Variants in ZNF804A observed in about 807,000 individuals in gnomAD.
ZNF804A encodes zinc finger protein 804A.
ZNF804A carries 2 observed loss-of-function variants against 16.5 expected under a neutral mutation model. That is an observed-to-expected ratio of 0.12 (90% confidence interval 0.05 to 0.38). ZNF804A has a LOEUF of 0.38. ZNF804A is among the 10% of genes least tolerant of loss of function. The probability of loss-of-function intolerance (pLI) is 0.99; values close to 1 mark genes in which losing one functional copy is unlikely to be tolerated. For missense variants in ZNF804A, 1,473 were observed against 1,390.7 expected, an observed-to-expected ratio of 1.06 and a Z score of -0.94; for synonymous variants, 534 against 489.6, an observed-to-expected ratio of 1.09 and a Z score of -1.20.
intron 2 of ZNF804A, among the ~76,000 whole-genome samples, chr2:184,881,311 CA>C (rs1227186209): frequency 2.6e-5 from 4 of 151,534 alleles, no homozygotes; most frequent in African/African-American, 9.7e-5. Context: ...CCCTGAAAGA[CA>C]GGTAGAGAAA....
intron 1 of ZNF804A, among the ~76,000 whole-genome samples, chr2:184,865,537 A>C (rs1695867074): frequency 6.6e-6 from 1 of 152,096 alleles, no homozygotes; most frequent in Non-Finnish European, 1.5e-5. Context: ...TGTGACACTT[A>C]CTTCATTGAC....
At chr2:184,738,048 C>T (rs1216980086) in intron 1 of ZNF804A, among the ~76,000 whole-genome samples, 1 of 151,000 alleles carries the variant, frequency 6.6e-6, no homozygotes, top group Non-Finnish European at 1.5e-5. Context: ...ATCACTTGAA[C>T]CTGGGAGGCG....
chr2:184,613,683 T>C (rs1691274931), intron 1 of ZNF804A, among the ~76,000 whole-genome samples: 1 of 151,992 alleles, frequency 6.6e-6, no homozygotes, highest in Admixed American at 6.6e-5. Context: ...TAAGAAGAAT[T>C]GGTGCTACAA....
intron 2 of ZNF804A, among the ~76,000 whole-genome samples, chr2:184,923,651 T>A (rs1022918154): frequency 4.6e-5 from 7 of 152,020 alleles, no homozygotes; most frequent in African/African-American, 9.7e-5. Flanking sequence ...AGGTTTTCAG[T>A]TTTTTCCTCA....
Position 184,937,633 on chromosome 2 carries a change from A to G in ZNF804A, c.2237A>G (p.Lys746Arg). Residue 746 changes from lysine to arginine, a missense_variant, in exon 4 of 4, where the codon AAA (lysine) becomes AGA (arginine). Transcript: ENST00000302277. ...HRSLVLQNDM[K>R]HMSQNQAVKR... ...AGCTTAGTTCTTCAAAATGATATGA[A>G]ACACATGAGTCAGAATCAGGCTGTT... 1 of 1,613,932 alleles carries G rather than the reference A, an allele frequency of 6.2e-7. No homozygotes were observed.
At chr2:184,832,121 G>T (rs1340601428) in intron 1 of ZNF804A, among the ~76,000 whole-genome samples, 1 of 151,890 alleles carries the variant, frequency 6.6e-6, no homozygotes, top group East Asian at 1.9e-4. Context: ...TATGCAATTT[G>T]TCCATCTCTT....
chr2:184,832,584 T>C (rs1439988632), intron 1 of ZNF804A, among the ~76,000 whole-genome samples: 3 of 151,946 alleles, frequency 2.0e-5, no homozygotes, highest in Non-Finnish European at 2.9e-5. Context: ...TTAATCATAC[T>C]CCCAGTTTAT....
chr2:184,898,915 T>A (rs1362991446), intron 2 of ZNF804A, among the ~76,000 whole-genome samples: 1 of 152,006 alleles, frequency 6.6e-6, no homozygotes, highest in Admixed American at 6.6e-5. Flanking sequence ...ATTGTGTAAC[T>A]ATTTTATGAT....
At chr2:184,698,007 T>C (rs1022183952) in intron 1 of ZNF804A, among the ~76,000 whole-genome samples, 12 of 152,030 alleles carry the variant, frequency 7.9e-5, no homozygotes. Flanking sequence ...AGACTTTTAT[T>C]TGGAAAATTG....
At chr2:184,639,943 A>G (rs1352857761) in intron 1 of ZNF804A, among the ~76,000 whole-genome samples, 2 of 152,208 alleles carry the variant, frequency 1.3e-5, no homozygotes, top group African/African-American at 4.8e-5. Flanking sequence ...CAGAGCTTGC[A>G]GTGAGCCGAG....
chr2:184,914,162 A>G (rs1685410428), intron 2 of ZNF804A, among the ~76,000 whole-genome samples: 1 of 152,152 alleles, frequency 6.6e-6, no homozygotes, highest in Non-Finnish European at 1.5e-5. Flanking sequence ...CCTGCCACAC[A>G]TGCATTTTTG....
intron 2 of ZNF804A, among the ~76,000 whole-genome samples, chr2:184,889,499 C>T (rs1378926550): frequency 6.6e-6 from 1 of 151,818 alleles, no homozygotes; most frequent in Non-Finnish European, 1.5e-5. Context: ...AAAAATAACA[C>T]TTGCCTGCAT....
intron 1 of ZNF804A, among the ~76,000 whole-genome samples, chr2:184,744,746 A>G (rs981666896): frequency 2.0e-5 from 3 of 151,962 alleles, no homozygotes; most frequent in African/African-American, 7.2e-5. Context: ...GTGTTAGTTT[A>G]CAAGTGTGTA....
At chr2:184,857,054 T>G (rs1695700797) in intron 1 of ZNF804A, among the ~76,000 whole-genome samples, 1 of 152,220 alleles carries the variant, frequency 6.6e-6, no homozygotes, top group East Asian at 1.9e-4. Context: ...CTGGGAAGTG[T>G]AATATTATGT....
intron 1 of ZNF804A, among the ~76,000 whole-genome samples, chr2:184,674,251 C>T (rs1248999306): frequency 1.3e-5 from 2 of 151,844 alleles, no homozygotes; most frequent in Admixed American, 6.6e-5. Flanking sequence ...ATGTCATTAT[C>T]CCTCTTTTCT....
intron 1 of ZNF804A, among the ~76,000 whole-genome samples, chr2:184,719,756 A>G (rs758244482): frequency 2.0e-5 from 3 of 152,114 alleles, no homozygotes; most frequent in Non-Finnish European, 4.4e-5. Context: ...CATGGTTCAT[A>G]TCATTATCAG....
At chr2:184,679,303 T>C (rs1421461800) in intron 1 of ZNF804A, among the ~76,000 whole-genome samples, 1 of 152,202 alleles carries the variant, frequency 6.6e-6, no homozygotes, top group Admixed American at 6.5e-5. Flanking sequence ...ACAAGGTAGA[T>C]GGGTCATTGC....
At chr2:184,648,495 A>G (rs1313723264) in intron 1 of ZNF804A, among the ~76,000 whole-genome samples, 1 of 151,924 alleles carries the variant, frequency 6.6e-6, no homozygotes, top group East Asian at 1.9e-4. Flanking sequence ...AAACAACAAA[A>G]CAAACAAACT....
At chr2:184,757,360 C>G (rs1693974480) in intron 1 of ZNF804A, among the ~76,000 whole-genome samples, 1 of 151,906 alleles carries the variant, frequency 6.6e-6, no homozygotes, top group Admixed American at 6.6e-5. Flanking sequence ...CTAATTCTCA[C>G]CTCTTAAACA....
Sources: allele counts gnomAD v4.1 joint callset (sites outside exome capture counted in the v4.1 genomes callset), GRCh38; gene constraint gnomAD v4.1.1; transcripts MANE v1.5; gene names NCBI Gene and HGNC (gene_info 2026-07-23, HGNC 2026-07-21).